The following RAD51B variants were observed in gnomAD, a reference collection of about 807,000 sequenced individuals.
RAD51B encodes the protein DNA repair protein RAD51 homolog 2.
In RAD51B, 38 loss-of-function variants were observed where a neutral mutation model predicts 42.2. The ratio of observed to expected loss-of-function variants is 0.90; its 90% CI spans 0.70 to 1.18. The LOEUF (loss-of-function observed/expected upper bound fraction) is 1.18, where lower values mean the gene tolerates loss of function less well. RAD51B is among the 50% of genes most tolerant of loss of function. RAD51B has a pLI of 0.00. For synonymous variants in RAD51B, 154 were observed against 145.2 expected (o/e 1.06, Z -0.43); for missense variants, 373 against 400.7 (o/e 0.93, Z 0.59).
At chr14:68,576,531 T>A (rs1889970769) in intron 10 of RAD51B, among the ~76,000 whole-genome samples, 1 of 152,142 alleles carries the variant, frequency 6.6e-6, no homozygotes, top group Non-Finnish European at 1.5e-5. Flanking sequence ...TGGCACTTAG[T>A]GAGGAATGAG....
At chr14:68,166,391 G>A (rs536560454) in intron 7 of RAD51B, among the ~76,000 whole-genome samples, 1 of 151,878 alleles carries the variant, frequency 6.6e-6, no homozygotes, top group Non-Finnish European at 1.5e-5. Context: ...ATATTTACTA[G>A]TCTTTCCTTT....
intron 7 of RAD51B, among the ~76,000 whole-genome samples, chr14:68,226,203 A>C (rs1317642284): frequency 1.3e-5 from 2 of 152,178 alleles, no homozygotes; most frequent in African/African-American, 4.8e-5. Context: ...TATACTTGTC[A>C]CTTAACTCCT....
At chr14:68,521,790 G>A (rs765475243) in intron 10 of RAD51B, among the ~76,000 whole-genome samples, 4 of 152,112 alleles carry the variant, frequency 2.6e-5, no homozygotes, top group Non-Finnish European at 5.9e-5. Flanking sequence ...AATTTTCAGA[G>A]TGGTTCCTTT....
intron 8 of RAD51B, among the ~76,000 whole-genome samples, chr14:68,385,597 A>G (rs1341881581): frequency 6.6e-6 from 1 of 152,200 alleles, no homozygotes; most frequent in Non-Finnish European, 1.5e-5. Context: ...CATTACGAGC[A>G]TCCAGTGATG....
In RAD51B at chr14:68,019,898, A is replaced by G. The variant is rs34786245; in HGVS notation, c.756+132694A>G. Reference sequence around the variant, plus strand: ...CAAAAAGAATGTGCCCCTTCCCTGTAAGGACATTTCTGGGAAGTTACACAT... The same window carrying G: ...CAAAAAGAATGTGCCCCTTCCCTGTGAGGACATTTCTGGGAAGTTACACAT... On this transcript the variant is annotated intron_variant, in intron 7 of 10. Coordinates refer to ENST00000471583, the MANE Select transcript of RAD51B (RefSeq NM_133510.4). Among the ~76,000 whole-genome samples the G allele has an allele frequency of 6.9e-3, 1,053 of 152,296 alleles. 11 individuals are homozygous for G. The highest frequency in any genetic ancestry group is 0.024 in the African/African-American group (988 of 41,580).
At chr14:68,155,901 T>C (rs1566688517) in intron 7 of RAD51B, among the ~76,000 whole-genome samples, 1 of 152,338 alleles carries the variant, frequency 6.6e-6, no homozygotes, top group East Asian at 1.9e-4. Flanking sequence ...GTAAGATTAG[T>C]AACACATAGA....
At chr14:67,967,167 A>G (rs2074796896) in intron 7 of RAD51B, among the ~76,000 whole-genome samples, 1 of 152,202 alleles carries the variant, frequency 6.6e-6, no homozygotes, top group East Asian at 1.9e-4. Flanking sequence ...CTTATTCACT[A>G]CCACGAAAAC....
chr14:67,902,422 T>G (rs991289652), intron 7 of RAD51B, among the ~76,000 whole-genome samples: 2 of 152,210 alleles, frequency 1.3e-5, no homozygotes. Flanking sequence ...GTTTTTATCC[T>G]TAGTTATTTG....
At chr14:68,265,449 A>T (rs143011775) in intron 7 of RAD51B, among the ~76,000 whole-genome samples, 1 of 152,170 alleles carries the variant, frequency 6.6e-6, no homozygotes, top group Non-Finnish European at 1.5e-5. Flanking sequence ...GCAGACTGGT[A>T]TAAAAATAAC....
chr14:68,165,248 A>G (rs980746841), intron 7 of RAD51B, among the ~76,000 whole-genome samples: 1 of 152,200 alleles, frequency 6.6e-6, no homozygotes, highest in Non-Finnish European at 1.5e-5. Context: ...AAATCACTTT[A>G]AAATGAAATT....
At chr14:68,647,384 TTTC>T (rs1892584039) in intron 10 of RAD51B, among the ~76,000 whole-genome samples, 1 of 152,356 alleles carries the variant, frequency 6.6e-6, no homozygotes, top group South Asian at 2.1e-4. Context: ...CCATTAAGAA[TTTC>T]TTGGCTTTTG....
chr14:68,101,965 A>G (rs2077297894), intron 7 of RAD51B, among the ~76,000 whole-genome samples: 1 of 152,236 alleles, frequency 6.6e-6, no homozygotes, highest in Admixed American at 6.5e-5. Context: ...GGAGGTTCCC[A>G]AACCCCAATT....
At chr14:68,622,806 C>G (rs1221559047) in intron 10 of RAD51B, among the ~76,000 whole-genome samples, 1 of 150,756 alleles carries the variant, frequency 6.6e-6, no homozygotes, top group African/African-American at 2.4e-5. Context: ...GCTGTTCATT[C>G]AATTTTAGAG....
chr14:68,424,700 A>G (rs2084790923), intron 9 of RAD51B, among the ~76,000 whole-genome samples: 1 of 152,138 alleles, frequency 6.6e-6, no homozygotes, highest in Non-Finnish European at 1.5e-5. Flanking sequence ...GATCCCTGTA[A>G]CTGGCTCTGC....
At chr14:68,478,922 G>A (rs1378193310), downstream of RAD51B, among the ~76,000 whole-genome samples, 4 of 152,188 alleles carry the variant, frequency 2.6e-5, no homozygotes, top group African/African-American at 9.7e-5. Flanking sequence ...CTCCAAAAAT[G>A]TACTCCAAGG....
In RAD51B at chr14:67,833,240, G is replaced by A. The variant is rs2041115820; in HGVS notation, c.199-1840G>A. 2.0e-5 allele frequency among the ~76,000 whole-genome samples: 3 copies of A among 152,164 alleles called. No homozygotes were observed. The South Asian group carries it at 6.2e-4, about 32-fold the overall frequency. ...AAAATACAAAAATTAGCCGGGTCTG[G>A]TGGCAGGCACCTGTAATCCCAGTTA... On this transcript the variant is annotated intron_variant, in intron 3 of 10. Transcript: ENST00000471583.
chr14:68,449,676 C>G (rs1211460956), intron 9 of RAD51B, among the ~76,000 whole-genome samples: 1 of 152,120 alleles, frequency 6.6e-6, no homozygotes, highest in East Asian at 1.9e-4. Context: ...TCTCCAGGCT[C>G]TTGTATTGCT....
chr14:68,634,411 G>T (rs1000774752), intron 10 of RAD51B, among the ~76,000 whole-genome samples: 4 of 152,136 alleles, frequency 2.6e-5, no homozygotes, highest in Non-Finnish European at 5.9e-5. Context: ...GTGCAAGAAC[G>T]GCAATGCCAG....
intron 7 of RAD51B, among the ~76,000 whole-genome samples, chr14:68,212,948 G>A (rs764189624): frequency 1.1e-4 from 16 of 152,148 alleles, no homozygotes; most frequent in Non-Finnish European, 1.8e-4. Flanking sequence ...GTCTTGTTGA[G>A]GTTAAGTAGA....
Sources: gnomAD v4.1 joint callset for allele counts (sites outside exome capture counted in the v4.1 genomes callset) on GRCh38, gnomAD v4.1.1 for gene constraint, MANE v1.5 for transcripts, NCBI Gene and HGNC (gene_info 2026-07-23, HGNC 2026-07-21) for gene names.